The following GRID1 variants were observed in gnomAD, a reference collection of about 807,000 sequenced individuals.
GRID1 encodes the protein glutamate ionotropic receptor delta type subunit 1.
Under a neutral mutation model 98.0 loss-of-function variants are expected in GRID1, and 28 were observed. The observed-to-expected ratio is 0.29, with a 90% CI of 0.21 to 0.39. The LOEUF (loss-of-function observed/expected upper bound fraction) is 0.39. GRID1 is among the 10% of genes least tolerant of loss of function. The pLI is 1.00. For missense variants in GRID1, 1,111 were observed against 1,340.5 expected (o/e 0.83, Z 2.67); for synonymous variants, 553 against 538.5 (o/e 1.03, Z -0.37).
chr10:86,068,121 A>G (rs1843746317), intron 4 of GRID1, among the ~76,000 whole-genome samples: 1 of 152,198 alleles, frequency 6.6e-6, no homozygotes, highest in Non-Finnish European at 1.5e-5. Context: ...GGAGTATGGG[A>G]AAACGTCGCC....
chr10:85,704,869 A>C (rs1290396737), intron 12 of GRID1, among the ~76,000 whole-genome samples: 1 of 152,200 alleles, frequency 6.6e-6, no homozygotes, highest in African/African-American at 2.4e-5. Flanking sequence ...CTGAATGACT[A>C]CTGGGTACAT....
intron 13 of GRID1, among the ~76,000 whole-genome samples, chr10:85,636,083 T>C (rs1052624125): frequency 6.6e-6 from 1 of 152,238 alleles, no homozygotes; most frequent in African/African-American, 2.4e-5. Flanking sequence ...ACCTCACACC[T>C]GATCCATGCC....
At chr10:85,802,153 G>T (rs1842582363) in intron 8 of GRID1, among the ~76,000 whole-genome samples, 1 of 152,010 alleles carries the variant, frequency 6.6e-6, no homozygotes, top group Non-Finnish European at 1.5e-5. Context: ...ATATGGTAAG[G>T]ATATCAACTG....
chr10:85,770,159 C>T (rs1009766265), intron 8 of GRID1, among the ~76,000 whole-genome samples: 6 of 152,276 alleles, frequency 3.9e-5, no homozygotes, highest in Admixed American at 1.3e-4. Context: ...CAGCAGCATT[C>T]GCGGTTCACG....
chr10:86,061,495 GC>G (rs1168252962), intron 4 of GRID1, among the ~76,000 whole-genome samples: 5 of 152,118 alleles, frequency 3.3e-5, no homozygotes, highest in Admixed American at 6.6e-5. Flanking sequence ...AATCTGTCCT[GC>G]TCACCACTGC....
intron 3 of GRID1, among the ~76,000 whole-genome samples, chr10:86,146,919 A>C (rs1456869581): frequency 6.6e-6 from 1 of 152,238 alleles, no homozygotes; most frequent in African/African-American, 2.4e-5. Context: ...TCTCTGTGGA[A>C]GTCAGCGGGG....
intron 3 of GRID1, among the ~76,000 whole-genome samples, chr10:86,150,957 G>A (rs957709257): frequency 1.3e-5 from 2 of 152,200 alleles, no homozygotes; most frequent in African/African-American, 4.8e-5. Context: ...CCCCCAGCAT[G>A]AGGTATCTTG....
chr10:86,323,300 C>T (rs1847996011), intron 2 of GRID1, among the ~76,000 whole-genome samples: 1 of 152,204 alleles, frequency 6.6e-6, no homozygotes, highest in South Asian at 2.1e-4. Context: ...TGGGGAGCAG[C>T]CCCGACCTCA....
intron 4 of GRID1, among the ~76,000 whole-genome samples, chr10:85,947,973 G>C (rs1842073995): frequency 6.6e-6 from 1 of 152,180 alleles, no homozygotes; most frequent in Non-Finnish European, 1.5e-5. Flanking sequence ...TTTTGAAAAT[G>C]GTATTGCTTT....
At chr10:85,817,511 G>A (rs192464920) in intron 8 of GRID1, among the ~76,000 whole-genome samples, 1 of 151,322 alleles carries the variant, frequency 6.6e-6, no homozygotes, top group Non-Finnish European at 1.5e-5. Flanking sequence ...GGATGACAGA[G>A]CAAGACTCTA....
chr10:85,772,705 A>G (rs1842285131), intron 8 of GRID1, among the ~76,000 whole-genome samples: 1 of 152,252 alleles, frequency 6.6e-6, no homozygotes, highest in African/African-American at 2.4e-5. Context: ...CTCTACGCAA[A>G]TAAACTAGAA....
At chr10:86,044,630 G>A (rs529472359) in intron 4 of GRID1, among the ~76,000 whole-genome samples, 1 of 152,152 alleles carries the variant, frequency 6.6e-6, no homozygotes, top group South Asian at 2.1e-4. Context: ...TATCACAGAG[G>A]TGCCGTTACA....
intron 2 of GRID1, among the ~76,000 whole-genome samples, chr10:86,308,614 G>A (rs1167720496): frequency 6.6e-6 from 1 of 152,230 alleles, no homozygotes; most frequent in Non-Finnish European, 1.5e-5. Context: ...CACTTGGTTA[G>A]AGGATCTCTT....
intron 4 of GRID1, among the ~76,000 whole-genome samples, chr10:86,008,932 G>A (rs1328365302): frequency 1.3e-5 from 2 of 152,124 alleles, no homozygotes; most frequent in African/African-American, 4.8e-5. Flanking sequence ...TAATAACACA[G>A]TTCACAATAG....
chr10:86,137,412 C>T (rs1844943335), intron 4 of GRID1, among the ~76,000 whole-genome samples: 1 of 152,160 alleles, frequency 6.6e-6, no homozygotes, highest in Non-Finnish European at 1.5e-5. Flanking sequence ...AGTCTTTCCA[C>T]CCCCAAGCTT....
chr10:85,912,544 T>TTTCC lies in GRID1; in HGVS notation c.780+3641_780+3642insGGAA, dbSNP rs200129046. 4.5e-3 allele frequency among the ~76,000 whole-genome samples: 687 copies of TTTCC among 152,126 alleles called. 17 individuals carry two copies. The highest frequency in any genetic ancestry group is 0.038 in the Admixed American group (585 of 15,282). ...AGGAAAATGCATAAAACAAATCAAA[T>TTTCC]ACAGAGGAGGAAACTGAAAGGCAGA... On this transcript the variant is annotated intron_variant, in intron 5 of 15. Transcript: ENST00000327946.
intron 2 of GRID1, among the ~76,000 whole-genome samples, chr10:86,315,312 C>G (rs922129069): frequency 1.3e-5 from 2 of 152,220 alleles, no homozygotes; most frequent in African/African-American, 4.8e-5. Flanking sequence ...ATTTGTCACC[C>G]TGGCCAGGCA....
chr10:85,734,865 A>T (rs1471806844), intron 8 of GRID1, among the ~76,000 whole-genome samples: 1 of 152,176 alleles, frequency 6.6e-6, no homozygotes, highest in Non-Finnish European at 1.5e-5. Flanking sequence ...ATCCAGTGGA[A>T]TTTTTTTTAT....
chr10:86,175,731 CAG>C (rs1244029990), intron 3 of GRID1, among the ~76,000 whole-genome samples: 4 of 151,078 alleles, frequency 2.6e-5, no homozygotes, highest in African/African-American at 4.9e-5. Flanking sequence ...TTTTTTGAGA[CAG>C]AGTTTCACTC....
Sources: gnomAD v4.1 joint callset for allele counts (sites outside exome capture counted in the v4.1 genomes callset) on GRCh38, gnomAD v4.1.1 for gene constraint, MANE v1.5 for transcripts, NCBI Gene and HGNC (gene_info 2026-07-23, HGNC 2026-07-21) for gene names.